LAP3: variants seen among roughly 807,000 people sequenced by gnomAD.
LAP3 encodes the protein leucine aminopeptidase 3.
A neutral mutation model predicts 58.8 loss-of-function variants in LAP3; 46 were observed. The observed-to-expected ratio is 0.78, with a 90% CI of 0.62 to 1.00. The LOEUF (loss-of-function observed/expected upper bound fraction) is 1.00, where lower values mean the gene tolerates loss of function less well. LAP3 is among the 50% of genes least tolerant of loss of function. The probability of loss-of-function intolerance (pLI) is 0.00; values close to 1 mark genes in which losing one functional copy is unlikely to be tolerated. For missense variants in LAP3, 615 were observed against 659.1 expected, an observed-to-expected ratio of 0.93 and a Z score of 0.73; for synonymous variants, 257 against 237.7, an observed-to-expected ratio of 1.08 and a Z score of -0.75.
At position 17,588,940 on chromosome 4, in the gene LAP3, C is replaced by A; in HGVS notation, c.826C>A (p.Pro276Thr). The change falls in exon 7 of 13, where the codon CCC becomes ACC. Residue 276 changes from proline to threonine, a missense_variant. Physicochemically the swap from Pro to Thr is conservative, Grantham distance 38. Coordinates refer to ENST00000226299, the MANE Select transcript of LAP3 (RefSeq NM_015907.3). ...YKGSPNANEPPLVFVGKGITF... is the reference protein window; with the variant it reads ...YKGSPNANEPTLVFVGKGITF... ...AGGCAGCCCCAATGCAAACGAACCACCCCTGGTGTTTGTTGGGAAAGGAAT... is the reference window on the plus strand; with the variant it reads ...AGGCAGCCCCAATGCAAACGAACCAACCCTGGTGTTTGTTGGGAAAGGAAT... The A allele has an allele frequency of 1.2e-6, 2 of 1,614,120 alleles. No individual in the cohort carries two copies. Among genetic ancestry groups the A allele is most frequent in the Non-Finnish European group, 1.7e-6 (2 of 1,180,018 alleles).
intron 10 of LAP3, among the ~76,000 whole-genome samples, chr4:17,599,585 C>T (rs1713937623): frequency 6.6e-6 from 1 of 152,056 alleles, no homozygotes; most frequent in Admixed American, 6.6e-5. Flanking sequence ...GTTTCTGTTA[C>T]AATTACCATT....
In LAP3 at chr4:17,577,334, G is replaced by A. The variant is rs1000533996; in HGVS notation, c.-132G>A. The A allele has an allele frequency of 8.6e-5, 34 of 396,414 alleles. 1 individual carries two copies. The Admixed American group carries it at 9.0e-4, about 10-fold the overall frequency. The allele number at this position is 396,414 out of a possible 1,614,324, so 24.6% of individuals were successfully genotyped here. ...CATCCGTCCCGCCCCCTAGACGCACGTCCGCTCGCCCGGCGCCCGAGCCAG... is the reference window on the plus strand; with the variant it reads ...CATCCGTCCCGCCCCCTAGACGCACATCCGCTCGCCCGGCGCCCGAGCCAG... On this transcript the variant is annotated 5_prime_UTR_variant, in exon 1 of 13. Coordinates refer to ENST00000226299, the MANE Select transcript of LAP3 (RefSeq NM_015907.3).
chr4:17,582,327 G>A lies in LAP3; in HGVS notation c.313G>A (p.Ala105Thr). 6.2e-7 allele frequency: 1 copy of A among 1,614,152 alleles called. No individual in the cohort carries two copies. The highest frequency in any genetic ancestry group is 8.5e-7 in the Non-Finnish European group (1 of 1,180,012). ...GGTGCTAGTTGGCCTCGGCAAAAAG[G>A]CAGCTGGAATCGACGAACAGGAAAA... is the stretch of plus-strand genomic sequence containing the variant. The part of the protein sequence containing the change: ...SVVLVGLGKK[A>T]AGIDEQENWH... The change falls in exon 4 of 13, where the codon GCA (alanine) becomes ACA (threonine). Residue 105 changes from alanine (A) to threonine (T), a missense_variant. Coordinates refer to ENST00000226299, the MANE Select transcript of LAP3 (RefSeq NM_015907.3).
intron 6 of LAP3, among the ~76,000 whole-genome samples, chr4:17,588,220 A>C (rs2109019924): frequency 6.6e-6 from 1 of 151,682 alleles, no homozygotes; most frequent in South Asian, 2.1e-4. Context: ...TTTTCTGTAG[A>C]GACCAAGTCT....
chr4:17,603,000 T>A (rs1714017436), intron 10 of LAP3, among the ~76,000 whole-genome samples: 1 of 151,316 alleles, frequency 6.6e-6, no homozygotes, highest in Admixed American at 6.6e-5. Context: ...ATAGGATAAA[T>A]TTTTAAAGCA....
chr4:17,596,646 A>G (rs776163928), intron 8 of LAP3, among the ~76,000 whole-genome samples: 1 of 152,146 alleles, frequency 6.6e-6, no homozygotes, highest in Non-Finnish European at 1.5e-5. Flanking sequence ...GCCTATATTT[A>G]GCTTTTAAAT....
At chr4:17,585,435 ATTTTTT>A in intron 6 of LAP3, 2 of 148,834 alleles carry the variant, frequency 1.3e-5, no homozygotes, top group Non-Finnish European at 1.4e-5. Flanking sequence ...CAATTCAGTG[ATTTTTT>A]TTTTTTTTTT....
Position 17,581,793 on chromosome 4 carries a change from A to C in LAP3, c.252A>C (p.Arg84=), listed in dbSNP as rs775830021. ...SGPPLKAGKT[R]TFYGLHQDFP... ...CACCTCTGAAGGCAGGGAAGACTCG[A>C]ACCTTTTATGGTCTGCATCAGGTAT... Residue 84 remains arginine, a synonymous_variant, in exon 3 of 13, where the codon CGA becomes CGC. Coordinates refer to ENST00000226299, the MANE Select transcript of LAP3 (RefSeq NM_015907.3). The C allele has an allele frequency of 6.2e-7, 1 of 1,613,940 alleles. No homozygotes were observed. The highest frequency in any genetic ancestry group is 1.1e-5 in the South Asian group (1 of 91,080).
rs537395056 is a variant in LAP3, at chr4:17,602,833, C to T, written c.1181-1755C>T. Among the ~76,000 whole-genome samples the T allele has an allele frequency of 1.1e-3, 167 of 151,958 alleles. 1 individual carries two copies. The highest frequency in any genetic ancestry group is 3.5e-3 in the African/African-American group (147 of 41,494). On this transcript the variant is annotated intron_variant, in intron 10 of 12. Coordinates refer to ENST00000226299, the MANE Select transcript of LAP3 (RefSeq NM_015907.3). ...CTGAGTAGCTGGGATTACAGGCATGCGCCACCACACTCGGATTTTTGTATT... is the reference window on the plus strand; with the variant it reads ...CTGAGTAGCTGGGATTACAGGCATGTGCCACCACACTCGGATTTTTGTATT...
intron 4 of LAP3, chr4:17,582,615 A>C: frequency 1.9e-4 from 82 of 431,862 alleles, no homozygotes; most frequent in East Asian, 7.4e-4. Context: ...TCTATATCTC[A>C]TTTGGGTGTT....
rs777159170 is a variant in LAP3, at chr4:17,597,120, G to T, written c.1063G>T (p.Gly355Trp). ...GGGGGATGTTGTTAGAGCCAAAAAC[G>T]GGAAGACCATCCAGGTTTGTAAATG... ...KPGDVVRAKNGKTIQVDNTDA... is the reference protein window; with the variant it reads ...KPGDVVRAKNWKTIQVDNTDA... The change falls in exon 9 of 13, where the codon GGG (glycine) becomes TGG (tryptophan). Residue 355 changes from glycine to tryptophan, a missense_variant. Gly to Trp is a radical substitution (Grantham distance 184). Transcript: ENST00000226299. 1.9e-6 allele frequency: 3 copies of T among 1,614,160 alleles called. No individual in the cohort carries two copies. The South Asian group carries it at 3.3e-5, about 18-fold the overall frequency.
intron 9 of LAP3, among the ~76,000 whole-genome samples, 191 bp downstream of exon 9, chr4:17,597,325 T>TA (rs1199279447): frequency 1.3e-5 from 2 of 152,122 alleles, no homozygotes; most frequent in Non-Finnish European, 2.9e-5. Flanking sequence ...ACCCAGGCTG[T>TA]AGTGCAGTGG....
chr4:17,596,230 A>C (rs1017791299), intron 8 of LAP3, among the ~76,000 whole-genome samples: 4 of 152,190 alleles, frequency 2.6e-5, no homozygotes, highest in African/African-American at 9.6e-5. Context: ...AGGACATTCT[A>C]TGTAATGACA....
At position 17,595,479 on chromosome 4, in the gene LAP3, T is replaced by A; in HGVS notation, c.933T>A (p.Thr311=). The change falls in exon 8 of 13, where the codon ACT becomes ACA. Residue 311 remains threonine, a synonymous_variant. Coordinates refer to ENST00000226299, the MANE Select transcript of LAP3 (RefSeq NM_015907.3). ...LMRADMGGAA[T]ICSAIVSAAK... is the part of the protein sequence containing the mutation. ...GGGCTGACATGGGAGGAGCTGCAACTATATGCTCAGCCATCGTGTCTGCTG... is the reference window on the plus strand; with the variant it reads ...GGGCTGACATGGGAGGAGCTGCAACAATATGCTCAGCCATCGTGTCTGCTG... The A allele has an allele frequency of 6.2e-7, 1 of 1,614,052 alleles. No homozygotes were observed. Among genetic ancestry groups the A allele is most frequent in the Non-Finnish European group, 8.5e-7 (1 of 1,179,968 alleles).
chr4:17,597,081 A>C lies in LAP3; in HGVS notation c.1024A>C (p.Lys342Gln). The C allele has an allele frequency of 6.2e-7, 1 of 1,614,228 alleles. No homozygotes were observed. Among genetic ancestry groups the C allele is most frequent in the Non-Finnish European group, 8.5e-7 (1 of 1,180,032 alleles). Reference sequence around the variant, plus strand: ...TCTTTGTGAAAATATGCCCAGCGGCAAGGCCAACAAGCCGGGGGATGTTGT... The same window carrying C: ...TCTTTGTGAAAATATGCCCAGCGGCCAGGCCAACAAGCCGGGGGATGTTGT... ...APLCENMPSG[K>Q]ANKPGDVVRA... Residue 342 changes from lysine (K) to glutamine (Q), a missense_variant, in exon 9 of 13, where the codon AAG becomes CAG. Lys to Gln is a moderately conservative substitution (Grantham distance 53). Coordinates refer to ENST00000226299, the MANE Select transcript of LAP3 (RefSeq NM_015907.3).
intron 6 of LAP3, chr4:17,585,575 AC>A (rs1713491152): frequency 6.5e-6 from 1 of 154,598 alleles, no homozygotes; most frequent in African/African-American, 2.4e-5. Context: ...GGTGTGTGCC[AC>A]CATGCCCAGC....
chr4:17,607,394 C>T lies in LAP3; in HGVS notation c.1371-6C>T, dbSNP rs1318836057. 6 of 1,606,570 alleles carry T rather than the reference C, an allele frequency of 3.7e-6. No homozygotes were observed. The Admixed American group carries it at 8.7e-5, about 23-fold the overall frequency. ...GTTGTAAAGTGCTTTTTGTCTTTCT[C>T]TTCAGATCTGCAGGAGCATGTACAG... On this transcript the variant is annotated splice_polypyrimidine_tract_variant and splice_region_variant and intron_variant, in intron 12 of 12. Transcript: ENST00000226299.
In LAP3 at chr4:17,577,248, A is replaced by ACACGAATGCGGGCGCT; in HGVS notation, c.-217_-216insACGAATGCGGGCGCTC. The ACACGAATGCGGGCGCT allele has an allele frequency of 5.3e-6, 2 of 379,742 alleles. No homozygotes were observed. The highest frequency in any genetic ancestry group is 2.3e-5 in the African/African-American group (1 of 44,206). The allele number at this position is 379,742 out of a possible 1,614,324, so 23.5% of individuals were successfully genotyped here. A position where few individuals can be genotyped will look rare whatever the true frequency, so the allele number is the denominator to read the frequency against. Reference sequence around the variant, plus strand: ...TGCGGGCGCACACGAATGCGGGCGCACCCTTGAGTCCCCTCCACAACCGCG... The same window carrying ACACGAATGCGGGCGCT: ...TGCGGGCGCACACGAATGCGGGCGCACACGAATGCGGGCGCTCCCTTGAGTCCCCTCCACAACCGCG... On this transcript the variant is annotated 5_prime_UTR_variant, in exon 1 of 13. The change creates a new upstream start codon in the 5' untranslated region. Transcript: ENST00000226299.
At chr4:17,596,206 G>A (rs755796772) in intron 8 of LAP3, among the ~76,000 whole-genome samples, 2 of 151,962 alleles carry the variant, frequency 1.3e-5, no homozygotes, top group Non-Finnish European at 2.9e-5. Context: ...ATCACGACAC[G>A]TCCTCTAAGA....
Sources: gnomAD v4.1 joint callset for allele counts (sites outside exome capture counted in the v4.1 genomes callset) on GRCh38, gnomAD v4.1.1 for gene constraint, MANE v1.5 for transcripts, NCBI Gene and HGNC (gene_info 2026-07-23, HGNC 2026-07-21) for gene names.